The following TOX2 variants were observed in gnomAD, a reference collection of about 807,000 sequenced individuals.
TOX2 encodes granulosa cell HMG box 1.
In TOX2, 15 loss-of-function variants were observed where a neutral mutation model predicts 47.4. The observed-to-expected ratio is 0.32, with a 90% confidence interval of 0.21 to 0.49. The LOEUF (loss-of-function observed/expected upper bound fraction) is 0.49, where lower values mean the gene tolerates loss of function less well. Among genes scored for constraint, TOX2 ranks in the 20% least tolerant of loss-of-function variants. The probability of loss-of-function intolerance (pLI) is 0.99; values close to 1 mark genes in which losing one functional copy is unlikely to be tolerated. For synonymous variants in TOX2, 290 were observed against 296.6 expected, an observed-to-expected ratio of 0.98 and a Z score of 0.23; for missense variants, 622 against 673.1, an observed-to-expected ratio of 0.92 and a Z score of 0.84.
At chr20:43,924,767 T>C (rs1312051357) in intron 1 of TOX2, among the ~76,000 whole-genome samples, 1 of 151,976 alleles carries the variant, frequency 6.6e-6, no homozygotes, top group Admixed American at 6.5e-5. Context: ...GTCCTGCCAC[T>C]GTTTTATTTT....
chr20:43,979,535 TC>T (rs2070136204), intron 2 of TOX2, among the ~76,000 whole-genome samples: 1 of 152,046 alleles, frequency 6.6e-6, no homozygotes, highest in African/African-American at 2.4e-5. Context: ...GATAATGGGA[TC>T]ACATCAAGTT....
At chr20:43,962,085 G>A (rs941141727) in intron 1 of TOX2, among the ~76,000 whole-genome samples, 14 of 152,252 alleles carry the variant, frequency 9.2e-5, no homozygotes, top group South Asian at 2.1e-4. Flanking sequence ...ATTTACAATC[G>A]GGGATGGGAG....
chr20:43,951,470 G>C (rs553276087), intron 1 of TOX2, among the ~76,000 whole-genome samples: 4 of 151,896 alleles, frequency 2.6e-5, no homozygotes, highest in Admixed American at 2.6e-4. Context: ...CCAGCTACTC[G>C]GGAGGCTGAG....
rs112089152 is a variant in TOX2 at position 44,019,080 on chromosome 20, TTGACTGACTGACTGAC to T, written c.411+12304_411+12319del. Among the ~76,000 whole-genome samples the T allele has an allele frequency of 3.5e-4, 54 of 152,114 alleles. 1 individual carries two copies. The South Asian group carries it at 0.011, about 30-fold the overall frequency. Reference sequence around the variant, plus strand: ...GTAGCAGGTGTCTGAAAAAGGTTTGTTGACTGACTGACTGACTGACTGACTGACTGAAAAATGAATG... The same window carrying T: ...GTAGCAGGTGTCTGAAAAAGGTTTGTTGACTGACTGACTGAAAAATGAATG... On this transcript the variant is annotated intron_variant, in intron 3 of 8. Transcript: ENST00000341197.
chr20:43,978,763 TTGTGTGTG>T (rs9305120), intron 2 of TOX2, among the ~76,000 whole-genome samples: 31 of 146,602 alleles, frequency 2.1e-4, no homozygotes, highest in African/African-American at 6.5e-4. Flanking sequence ...TTGAAAGAAC[TTGTGTGTG>T]TGTGTGTGTG....
chr20:43,969,277 G>GGT (rs1057486165), intron 1 of TOX2, among the ~76,000 whole-genome samples: 1 of 152,108 alleles, frequency 6.6e-6, no homozygotes, highest in African/African-American at 2.4e-5. Flanking sequence ...ATGGGTTTGT[G>GGT]GTGTGTGTGT....
Position 44,068,818 on chromosome 20 carries a change from G to A in TOX2, c.*132G>A, listed in dbSNP as rs777545995. ...GAGAGCAGTGACACACCCATTGCCC[G>A]GGGGCTGAGTCTCTTCCTCAACCTC... On this transcript the variant is annotated 3_prime_UTR_variant, in exon 9 of 9. Coordinates refer to ENST00000341197, the MANE Select transcript of TOX2 (RefSeq NM_001098797.2). The A allele has an allele frequency of 3.4e-5, 42 of 1,234,384 alleles. No homozygotes were observed. The highest frequency in any genetic ancestry group is 4.5e-5 in the African/African-American group (3 of 66,696). 76.5% of individuals were successfully genotyped at this position (1,234,384 alleles called of 1,614,324 possible).
At chr20:43,919,698 G>T (rs767739732) in intron 1 of TOX2, among the ~76,000 whole-genome samples, 1 of 152,054 alleles carries the variant, frequency 6.6e-6, no homozygotes, top group Non-Finnish European at 1.5e-5. Context: ...GACAGGCCCC[G>T]GTGTGTGTTG....
At chr20:43,932,925 T>C (rs1320722099) in intron 1 of TOX2, among the ~76,000 whole-genome samples, 8 of 152,168 alleles carry the variant, frequency 5.3e-5, no homozygotes, top group Admixed American at 4.6e-4. Flanking sequence ...GGGGTTGCTT[T>C]TGGGGAACAT....
intron 1 of TOX2, chr20:43,945,751 T>G: frequency 9.4e-7 from 1 of 1,066,848 alleles, no homozygotes; most frequent in Non-Finnish European, 1.3e-6. Context: ...AGGAGATGGA[T>G]TTTGATAAAA....
chr20:44,038,033 T>C (rs2145709418), intron 3 of TOX2, among the ~76,000 whole-genome samples: 1 of 152,300 alleles, frequency 6.6e-6, no homozygotes, highest in South Asian at 2.1e-4. Context: ...CAAATGGAGA[T>C]GAGGAACCTA....
At chr20:44,006,311 G>A (rs1455436408) in intron 2 of TOX2, among the ~76,000 whole-genome samples, 1 of 152,208 alleles carries the variant, frequency 6.6e-6, no homozygotes, top group Non-Finnish European at 1.5e-5. Context: ...TTCTCCAGGA[G>A]GGCAGGCTTC....
At chr20:44,002,494 C>T (rs1469339304) in intron 2 of TOX2, among the ~76,000 whole-genome samples, 1 of 152,220 alleles carries the variant, frequency 6.6e-6, no homozygotes, top group Non-Finnish European at 1.5e-5. Context: ...TTCTTTATAG[C>T]AGCCCTGTAG....
chr20:43,965,198 G>A (rs1300352403), intron 1 of TOX2, among the ~76,000 whole-genome samples: 2 of 152,138 alleles, frequency 1.3e-5, no homozygotes, highest in Admixed American at 6.5e-5. Context: ...CTCCGTGGTG[G>A]ACATGTGGCT....
chr20:43,974,733 A>AC (rs1165890890), intron 2 of TOX2, among the ~76,000 whole-genome samples: 3 of 152,224 alleles, frequency 2.0e-5, no homozygotes, highest in African/African-American at 7.2e-5. Context: ...GATGAGTAAG[A>AC]CATGGGCCTG....
chr20:43,986,625 A>G lies in TOX2; in HGVS notation c.165+13193A>G, dbSNP rs189521409. On this transcript the variant is annotated intron_variant, in intron 2 of 8. Transcript: ENST00000341197. The stretch of plus-strand genomic sequence containing the variant: ...GTATACTCCCACCGAAACGGAGAAT[A>G]TGTAAAAGACTAAGTTGAGAAGGAT... Among the ~76,000 whole-genome samples the G allele has an allele frequency of 3.9e-5, 6 of 152,314 alleles. No individual in the cohort carries two copies. The East Asian group carries it at 9.6e-4, about 24-fold the overall frequency.
chr20:44,059,721 GC>G (rs1484009240), intron 5 of TOX2, among the ~76,000 whole-genome samples: 1 of 152,096 alleles, frequency 6.6e-6, no homozygotes. Flanking sequence ...ATTTGCCACT[GC>G]CAAGCCAGCA....
chr20:43,985,552 A>G (rs1451153422), intron 2 of TOX2, among the ~76,000 whole-genome samples: 5 of 152,254 alleles, frequency 3.3e-5, no homozygotes, highest in Non-Finnish European at 7.3e-5. Context: ...AGAGTGATGC[A>G]GAAGTAAATT....
chr20:44,044,021 C>T (rs1379895730), intron 3 of TOX2, among the ~76,000 whole-genome samples: 1 of 152,174 alleles, frequency 6.6e-6, no homozygotes, highest in Non-Finnish European at 1.5e-5. Context: ...AGACTTGGAA[C>T]CAACCCAAAT....
Sources: allele counts gnomAD v4.1 joint callset (sites outside exome capture counted in the v4.1 genomes callset), GRCh38; gene constraint gnomAD v4.1.1; transcripts MANE v1.5; gene names NCBI Gene and HGNC (gene_info 2026-07-23, HGNC 2026-07-21).